The following NPC1 variants were observed in gnomAD, a reference collection of about 807,000 sequenced individuals.
The protein encoded by NPC1 is NPC intracellular cholesterol transporter 1, also known as Niemann-Pick C1 protein.
NPC1 carries 85 observed loss-of-function variants against 140.4 expected under a neutral mutation model. The observed-to-expected ratio is 0.61, with a 90% CI of 0.51 to 0.72. The LOEUF (loss-of-function observed/expected upper bound fraction) is 0.72, where lower values mean the gene tolerates loss of function less well. Ranked by LOEUF, NPC1 falls within the 30% of genes least tolerant of loss-of-function variation. NPC1 has a pLI of 0.00. For synonymous variants in NPC1, 656 were observed against 624.8 expected (o/e 1.05, Z -0.74); for missense variants, 1,504 against 1,623.8 (o/e 0.93, Z 1.27).
chr18:23,553,398 A>G (rs1305090963), intron 9 of NPC1, among the ~76,000 whole-genome samples: 1 of 152,128 alleles, frequency 6.6e-6, no homozygotes, highest in East Asian at 1.9e-4. Flanking sequence ...AGCATAAGCT[A>G]TTGTGTTTTC....
chr18:23,559,533 G>C (rs1398537172), intron 6 of NPC1, among the ~76,000 whole-genome samples: 1 of 119,762 alleles, frequency 8.3e-6, no homozygotes, highest in African/African-American at 3.4e-5. Flanking sequence ...ACACAGTCTC[G>C]CACTGTCGCC....
At chr18:23,515,900 T>C in intron 3 of NPC1, 1 of 1,614,112 alleles carries the variant, frequency 6.2e-7, no homozygotes, top group Non-Finnish European at 8.5e-7. Flanking sequence ...AGAGCCACAA[T>C]CTCAATGTGA....
At position 23,543,546 on chromosome 18, in the gene NPC1, T is replaced by G. The variant is rs1245528268; in HGVS notation, c.2154A>C (p.Glu718Asp). The change falls in exon 14 of 25, where the codon GAA becomes GAC. Residue 718 changes from glutamate to aspartate, a missense_variant. Glu to Asp is a conservative substitution (Grantham distance 45). Coordinates refer to ENST00000269228, the MANE Select transcript of NPC1 (RefSeq NM_000271.5). Reference protein sequence around the residue: ...AYQRDERLQGETLDQQLGRVL... With the variant: ...AYQRDERLQGDTLDQQLGRVL... ...CCCTGCCCAGCTGCTGATCCAGGGT[T>G]TCCCCTTGAAGACGTTCATCTCTCT... 2.5e-6 allele frequency: 4 copies of G among 1,606,162 alleles called. No individual in the cohort carries two copies. In the South Asian group the frequency reaches 4.4e-5, roughly 18 times the overall value.
intron 4 of NPC1, 89 bp downstream of exon 4, chr18:23,568,734 T>G (rs2059161039): frequency 9.4e-7 from 1 of 1,065,768 alleles, no homozygotes; most frequent in East Asian, 2.4e-5. Flanking sequence ...ATTGTGATTT[T>G]CCAGAGTTGA....
chr18:23,532,171 C>CA lies in NPC1; in HGVS notation c.*30dup. The CA allele has an allele frequency of 3.7e-6, 6 of 1,612,856 alleles. No homozygotes were observed. The Middle Eastern group carries it at 6.6e-4, about 177-fold the overall frequency. On this transcript the variant is annotated 3_prime_UTR_variant, in exon 25 of 25. Transcript: ENST00000269228. ...AGTGGTAAACCGACCGACCCTTAGACACAGTTCAGTCAGGATGCCCTGCGA... is the reference window on the plus strand; with the variant it reads ...AGTGGTAAACCGACCGACCCTTAGACAACAGTTCAGTCAGGATGCCCTGCGA...
chr18:23,551,692 T>A lies in NPC1; in HGVS notation c.1589A>T (p.His530Leu). The change falls in exon 10 of 25, where the codon CAT becomes CTT. Residue 530 changes from histidine (H) to leucine (L), a missense_variant. Transcript: ENST00000269228. ...ACCAAACGTACCCAGACAAGGGTCA[T>A]GGAGCAAACTTGTATCATTCAGAGA... ...PASLNDTSLLHDPCLGTFGGP... is the reference protein window; with the variant it reads ...PASLNDTSLLLDPCLGTFGGP... The A allele has an allele frequency of 6.2e-7, 1 of 1,614,182 alleles. No homozygotes were observed. Among genetic ancestry groups the A allele is most frequent in the South Asian group, 1.1e-5 (1 of 91,072 alleles).
chr18:23,510,376 A>G (rs1436597482), intron 3 of NPC1, among the ~76,000 whole-genome samples: 1 of 151,980 alleles, frequency 6.6e-6, no homozygotes, highest in African/African-American at 2.4e-5. Flanking sequence ...GGCCAGGTAC[A>G]GTGGCTCACA....
At chr18:23,507,367 C>G (rs2057741910) in intron 3 of NPC1, among the ~76,000 whole-genome samples, 1 of 152,048 alleles carries the variant, frequency 6.6e-6, no homozygotes, top group Non-Finnish European at 1.5e-5. Flanking sequence ...TCAAGTGATT[C>G]TCTCGCCTCA....
intron 1 of NPC1, among the ~76,000 whole-genome samples, chr18:23,578,215 C>T (rs1950119780): frequency 6.6e-6 from 1 of 152,248 alleles, no homozygotes; most frequent in African/African-American, 2.4e-5. Flanking sequence ...CCCAATTAAT[C>T]CTACAACAGT....
At chr18:23,554,003 G>A (rs894333240) in intron 9 of NPC1, among the ~76,000 whole-genome samples, 4 of 152,150 alleles carry the variant, frequency 2.6e-5, no homozygotes, top group Non-Finnish European at 5.9e-5. Context: ...TTTAAATCTT[G>A]TGGGGGGTGT....
intron 1 of NPC1, among the ~76,000 whole-genome samples, chr18:23,575,466 T>A (rs1354681988): frequency 6.6e-6 from 1 of 152,016 alleles, no homozygotes; most frequent in African/African-American, 2.4e-5. Flanking sequence ...GCAGGTTACG[T>A]AACCACGTAG....
Position 23,535,628 on chromosome 18 carries a change from C to T in NPC1, c.3318G>A (p.Leu1106=), listed in dbSNP as rs1208191416. 4 of 1,614,118 alleles carry T rather than the reference C, an allele frequency of 2.5e-6. No individual in the cohort carries two copies. Among genetic ancestry groups the T allele is most frequent in the South Asian group, 1.1e-5 (1 of 91,078 alleles). ...CCATGGTCACCAGAAATATCGCGCC[C>T]AGGGACACACCGAGGTTGAAGATAG... The part of the protein sequence containing the change: ...DDTIFNLGVS[L]GAIFLVTMVL... The change falls in exon 22 of 25, where the codon CTG becomes CTA. Residue 1106 remains leucine, a synonymous_variant. Coordinates refer to ENST00000269228, the MANE Select transcript of NPC1 (RefSeq NM_000271.5).
rs71373350 is a variant in NPC1 at position 23,543,333 on chromosome 18, A to AG, written c.2245+121_2245+122insC. On this transcript the variant is annotated intron_variant, in intron 14 of 24. Transcript: ENST00000269228. ...GGCAGAGTGAGACTCCGTCTCAGAGAAAAAAAAAAAAAAGAAAAAAAAAAA... is the reference window on the plus strand; with the variant it reads ...GGCAGAGTGAGACTCCGTCTCAGAGAGAAAAAAAAAAAAAGAAAAAAAAAAA... 120 of 250,396 alleles carry AG rather than the reference A, an allele frequency of 4.8e-4. No individual in the cohort carries two copies. In the African/African-American group the frequency reaches 6.2e-3, roughly 13 times the overall value. 15.5% of individuals were successfully genotyped at this position (250,396 alleles called of 1,614,324 possible).
intron 4 of NPC1, among the ~76,000 whole-genome samples, chr18:23,563,876 T>C (rs2145496379): frequency 6.6e-6 from 1 of 152,292 alleles, no homozygotes; most frequent in Admixed American, 6.5e-5. Context: ...GTATTGAGCA[T>C]CTCTCATGTG....
At chr18:23,547,158 T>G (rs894491051) in intron 11 of NPC1, among the ~76,000 whole-genome samples, 1 of 152,092 alleles carries the variant, frequency 6.6e-6, no homozygotes, top group Non-Finnish European at 1.5e-5. Context: ...ATGATACATA[T>G]ACCATATCTC....
At chr18:23,526,275 C>T (rs2058295279), downstream of NPC1, among the ~76,000 whole-genome samples, 2 of 152,178 alleles carry the variant, frequency 1.3e-5, no homozygotes, top group South Asian at 2.1e-4. Context: ...GTTGATGCCA[C>T]GTGTTGACAT....
Position 23,531,990 on chromosome 18 carries a change from AGTGTCCTGTGGTTGCCT to A in NPC1, c.*195_*211del. 6.8e-7 allele frequency: 1 copy of A among 1,464,038 alleles called. No individual in the cohort carries two copies. The highest frequency in any genetic ancestry group is 9.0e-7 in the Non-Finnish European group (1 of 1,114,310). The allele number at this position is 1,464,038 out of a possible 1,614,324, so 90.7% of individuals were successfully genotyped here. Reference sequence around the variant, plus strand: ...TTCCTGAAGAGGCTGGGAGAAGTTTAGTGTCCTGTGGTTGCCTCCAGATCTAGTAATACTGCTTCCCA... The same window carrying A: ...TTCCTGAAGAGGCTGGGAGAAGTTTACCAGATCTAGTAATACTGCTTCCCA... On this transcript the variant is annotated 3_prime_UTR_variant, in exon 25 of 25. Coordinates refer to ENST00000269228, the MANE Select transcript of NPC1 (RefSeq NM_000271.5).
intron 20 of NPC1, among the ~76,000 whole-genome samples, chr18:23,537,930 C>T (rs1273019543): frequency 6.6e-6 from 1 of 152,134 alleles, no homozygotes; most frequent in African/African-American, 2.4e-5. Context: ...TCAGGGTTTA[C>T]CTAACATACA....
chr18:23,535,195 C>T (rs1006325531), intron 22 of NPC1, among the ~76,000 whole-genome samples: 5 of 152,066 alleles, frequency 3.3e-5, no homozygotes, highest in Admixed American at 3.3e-4. Context: ...CTAGTATAGC[C>T]GCAAGGAATG....
Sources: allele counts gnomAD v4.1 joint callset (sites outside exome capture counted in the v4.1 genomes callset), GRCh38; gene constraint gnomAD v4.1.1; transcripts MANE v1.5; gene names NCBI Gene and HGNC (gene_info 2026-07-23, HGNC 2026-07-21).